Variants in METTL9 observed in about 807,000 individuals in gnomAD.
METTL9 encodes the protein protein-L-histidine N-pros-methyltransferase.
In METTL9, 10 loss-of-function variants were observed where a neutral mutation model predicts 36.0. The ratio of observed to expected loss-of-function variants is 0.28; its 90% CI spans 0.17 to 0.47. The LOEUF is 0.47. METTL9 is among the 20% of genes least tolerant of loss of function. The pLI is 0.99. For synonymous variants in METTL9, 175 were observed against 149.7 expected (o/e 1.17, Z -1.23); for missense variants, 246 against 383.5 (o/e 0.64, Z 3.00).
intron 4 of METTL9, among the ~76,000 whole-genome samples, chr16:21,632,742 G>T (rs1965993933): frequency 6.6e-6 from 1 of 152,036 alleles, no homozygotes; most frequent in South Asian, 2.1e-4. Context: ...TATTTTGATA[G>T]CCTCTGACAC....
rs149512321 is a variant in METTL9, at chr16:21,648,815, C to T, written c.752-6412C>T. Reference sequence around the variant, plus strand: ...CCTATTTGTGTGAGTTTGTCCTTTGCTACTGTAAATGAAACTGAAAAGTCA... The same window carrying T: ...CCTATTTGTGTGAGTTTGTCCTTTGTTACTGTAAATGAAACTGAAAAGTCA... On this transcript the variant is annotated intron_variant, in intron 4 of 4. Coordinates refer to ENST00000358154, the MANE Select transcript of METTL9 (RefSeq NM_016025.5). 2.8e-4 allele frequency among the ~76,000 whole-genome samples: 43 copies of T among 152,304 alleles called. No individual in the cohort carries two copies. In the East Asian group the frequency reaches 7.7e-3, roughly 27 times the overall value.
intron 2 of METTL9, among the ~76,000 whole-genome samples, chr16:21,613,168 CTTTTTTTTTTTTTTTTTTTTTT>C (rs57388340): frequency 2.4e-4 from 22 of 91,438 alleles, no homozygotes; most frequent in African/African-American, 1.1e-3. Flanking sequence ...TGAGAGTCTG[CTTTTTTTTTTTTTTTTTTTTTT>C]TTTTTTTTTT....
intron 1 of METTL9, among the ~76,000 whole-genome samples, chr16:21,602,689 G>C (rs1304884021): frequency 6.7e-6 from 1 of 148,440 alleles, no homozygotes; most frequent in Non-Finnish European, 1.5e-5. Context: ...ATGGAGTCTC[G>C]CTTCGTCACC....
chr16:21,613,205 A>T (rs1170317296), intron 2 of METTL9, among the ~76,000 whole-genome samples: 4 of 53,292 alleles, frequency 7.5e-5, no homozygotes, highest in South Asian at 4.8e-4. Flanking sequence ...TTTTTTTTTT[A>T]AAGACAGTCC....
At chr16:21,642,961 CT>C (rs1250320421) in intron 4 of METTL9, 2 of 663,864 alleles carry the variant, frequency 3.0e-6, no homozygotes, top group Non-Finnish European at 5.3e-6. Flanking sequence ...TGAAAGTTCT[CT>C]TTCAGACTCT....
intron 4 of METTL9, chr16:21,647,166 G>T: frequency 6.2e-7 from 1 of 1,614,134 alleles, no homozygotes. Context: ...CCTCCTGTCT[G>T]TTTAGCTCTC....
chr16:21,621,841 T>A (rs974083083), intron 3 of METTL9, among the ~76,000 whole-genome samples: 4 of 152,026 alleles, frequency 2.6e-5, no homozygotes, highest in African/African-American at 7.2e-5. Flanking sequence ...TTCCTAAGTT[T>A]AGAGCTCTCC....
chr16:21,608,020 G>T (rs1965334305), intron 1 of METTL9, among the ~76,000 whole-genome samples: 3 of 152,152 alleles, frequency 2.0e-5, no homozygotes, highest in African/African-American at 7.2e-5. Flanking sequence ...GGGGTGGTAG[G>T]TGCCTGTAAT....
intron 4 of METTL9, among the ~76,000 whole-genome samples, chr16:21,642,889 T>A (rs763089626): frequency 6.6e-6 from 1 of 152,204 alleles, no homozygotes; most frequent in Non-Finnish European, 1.5e-5. Context: ...TATTTAATAT[T>A]GTATCAGATG....
At chr16:21,647,484 C>T in intron 4 of METTL9, 1 of 1,609,466 alleles carries the variant, frequency 6.2e-7, no homozygotes, top group Non-Finnish European at 8.5e-7. Context: ...GTACAGGCGC[C>T]CACAGCACCT....
chr16:21,610,547 GTTCAATAAGCAGTTTC>G (rs1330218752), intron 1 of METTL9, among the ~76,000 whole-genome samples: 1 of 152,184 alleles, frequency 6.6e-6, no homozygotes, highest in African/African-American at 2.4e-5. Flanking sequence ...AGCACATTCT[GTTCAATAAGCAGTTTC>G]TTTCCAGAAA....
At chr16:21,646,179 C>T (rs1477562984) in intron 4 of METTL9, among the ~76,000 whole-genome samples, 2 of 150,656 alleles carry the variant, frequency 1.3e-5, no homozygotes, top group Non-Finnish European at 2.9e-5. Context: ...TCGGGAATGT[C>T]TTAATCTCAG....
At chr16:21,644,045 A>G (rs1966353060) in intron 4 of METTL9, among the ~76,000 whole-genome samples, 2 of 152,056 alleles carry the variant, frequency 1.3e-5, no homozygotes, top group Admixed American at 1.3e-4. Flanking sequence ...TCTTAATCCC[A>G]TGCTACTGGG....
At chr16:21,641,863 A>G (rs757026504) in intron 4 of METTL9, among the ~76,000 whole-genome samples, 4 of 152,136 alleles carry the variant, frequency 2.6e-5, no homozygotes, top group Admixed American at 6.5e-5. Context: ...CTTTCAGGCC[A>G]CATACCTCGG....
At chr16:21,611,678 A>G (rs944243109) in intron 1 of METTL9, among the ~76,000 whole-genome samples, 5 of 152,174 alleles carry the variant, frequency 3.3e-5, no homozygotes, top group African/African-American at 1.2e-4. Flanking sequence ...GCCAGGATAT[A>G]TAGACCCCAG....
At chr16:21,628,907 G>A (rs1489146690) in intron 4 of METTL9, among the ~76,000 whole-genome samples, 4 of 95,964 alleles carry the variant, frequency 4.2e-5, no homozygotes, top group Non-Finnish European at 8.5e-5. Flanking sequence ...TTTTTTTTTT[G>A]GAGATGGAGT....
intron 1 of METTL9, among the ~76,000 whole-genome samples, chr16:21,600,693 T>G (rs181814718): frequency 3.8e-4 from 58 of 152,296 alleles, no homozygotes; most frequent in Admixed American, 3.4e-3. Context: ...AGCTCAGTCT[T>G]GCGCCACTTA....
At chr16:21,618,680 ATGT>A (rs1485751375) in intron 3 of METTL9, among the ~76,000 whole-genome samples, 1 of 151,574 alleles carries the variant, frequency 6.6e-6, no homozygotes, top group Non-Finnish European at 1.5e-5. Flanking sequence ...AGGTTTACTC[ATGT>A]TGTACCATGG....
rs143719325 is a variant in METTL9, at chr16:21,629,673, C to T, written c.751+4558C>T. 4.3e-3 allele frequency among the ~76,000 whole-genome samples: 648 copies of T among 152,282 alleles called. 3 individuals carry two copies. Among genetic ancestry groups the T allele is most frequent in the African/African-American group, 0.015 (622 of 41,566 alleles). ...AGGTGGCACGGACCCAAAGCGTGAGCAGCAGTAAGATTTATTGCAAAGAAC... is the reference window on the plus strand; with the variant it reads ...AGGTGGCACGGACCCAAAGCGTGAGTAGCAGTAAGATTTATTGCAAAGAAC... On this transcript the variant is annotated intron_variant, in intron 4 of 4. Transcript: ENST00000358154.
Sources: gnomAD v4.1 joint callset for allele counts (sites outside exome capture counted in the v4.1 genomes callset) on GRCh38, gnomAD v4.1.1 for gene constraint, MANE v1.5 for transcripts, NCBI Gene and HGNC (gene_info 2026-07-23, HGNC 2026-07-21) for gene names.